SLC35F3: variants seen among roughly 807,000 people sequenced by gnomAD.
The protein encoded by SLC35F3 is solute carrier family 35 member F3, also known as putative thiamine transporter SLC35F3.
SLC35F3 carries 25 observed loss-of-function variants against 49.9 expected under a neutral mutation model. The ratio of observed to expected loss-of-function variants is 0.50; its 90% confidence interval spans 0.37 to 0.70. The LOEUF is 0.70. SLC35F3 is among the 30% of genes least tolerant of loss of function. The pLI, the probability that SLC35F3 is intolerant of heterozygous loss-of-function variation, is 0.00. For synonymous variants in SLC35F3, 275 were observed against 265.4 expected (o/e 1.04, Z -0.35); for missense variants, 525 against 639.8 (o/e 0.82, Z 1.94).
At chr1:233,920,568 A>G (rs1662041931) in intron 2 of SLC35F3, among the ~76,000 whole-genome samples, 1 of 152,140 alleles carries the variant, frequency 6.6e-6, no homozygotes, top group Non-Finnish European at 1.5e-5. Context: ...AGCACCAGGT[A>G]CCCCCTCTGG....
intron 2 of SLC35F3, among the ~76,000 whole-genome samples, chr1:233,947,185 A>G (rs1662526063): frequency 6.6e-6 from 1 of 152,220 alleles, no homozygotes; most frequent in Non-Finnish European, 1.5e-5. Context: ...TAAAAAACCC[A>G]CTGGGCTAAA....
chr1:234,102,610 G>A (rs1665230162), intron 2 of SLC35F3, among the ~76,000 whole-genome samples: 1 of 152,172 alleles, frequency 6.6e-6, no homozygotes, highest in Non-Finnish European at 1.5e-5. Context: ...CAGGAGGTGA[G>A]AATCAAACTG....
At chr1:234,217,965 G>A (rs894440338) in intron 2 of SLC35F3, among the ~76,000 whole-genome samples, 4 of 152,216 alleles carry the variant, frequency 2.6e-5, no homozygotes, top group Non-Finnish European at 5.9e-5. Context: ...GTGCAGAGGG[G>A]AGGAGAGGCA....
chr1:234,073,538 T>C (rs1339286883), intron 2 of SLC35F3, among the ~76,000 whole-genome samples: 1 of 152,230 alleles, frequency 6.6e-6, no homozygotes, highest in East Asian at 1.9e-4. Context: ...CAGCAGCCAT[T>C]GCTGTTGGAG....
intron 2 of SLC35F3, among the ~76,000 whole-genome samples, chr1:234,029,305 A>G (rs1003916915): frequency 6.6e-6 from 1 of 152,198 alleles, no homozygotes; most frequent in Admixed American, 6.5e-5. Flanking sequence ...CAGCTAAAGC[A>G]ATTCATCAAA....
At chr1:233,951,128 C>T (rs1276836897) in intron 2 of SLC35F3, among the ~76,000 whole-genome samples, 1 of 151,272 alleles carries the variant, frequency 6.6e-6, no homozygotes, top group Non-Finnish European at 1.5e-5. Flanking sequence ...TATGCCTGGA[C>T]ATGGTAAATC....
At position 233,961,471 on chromosome 1, in the gene SLC35F3, T is replaced by TTTC. The variant is rs1662801917; in HGVS notation, c.283+55713_283+55714insTTC. 2.0e-5 allele frequency among the ~76,000 whole-genome samples: 3 copies of TTTC among 149,250 alleles called. No individual in the cohort carries two copies. In the South Asian group the frequency reaches 6.3e-4, roughly 31 times the overall value. ...TTTTCCTCTCTTTTTTTTTTTTTTT[T>TTTC]CTTGAGACAAAGTCTCGCTTTGTCC... On this transcript the variant is annotated intron_variant, in intron 2 of 7. Coordinates refer to ENST00000366618, the MANE Select transcript of SLC35F3 (RefSeq NM_173508.4).
At chr1:234,150,636 T>C (rs1666061863) in intron 2 of SLC35F3, among the ~76,000 whole-genome samples, 2 of 152,158 alleles carry the variant, frequency 1.3e-5, no homozygotes, top group African/African-American at 4.8e-5. Context: ...TGCCGAAAGG[T>C]CAGACAGGTA....
rs113696168 is a variant in SLC35F3 at position 233,933,324 on chromosome 1, T to A, written c.283+27566T>A. 3.4e-4 allele frequency among the ~76,000 whole-genome samples: 51 copies of A among 151,220 alleles called. 1 individual carries two copies. The highest frequency in any genetic ancestry group is 1.2e-3 in the African/African-American group (51 of 41,284). The stretch of plus-strand genomic sequence containing the variant: ...CCAAATTATTGTTGTATACCGTTAT[T>A]TTTTTTTTACTAAAAAGTTATTTTT... On this transcript the variant is annotated intron_variant, in intron 2 of 7. Transcript: ENST00000366618.
chr1:233,963,565 T>G (rs976366110), intron 2 of SLC35F3, among the ~76,000 whole-genome samples: 1 of 152,152 alleles, frequency 6.6e-6, no homozygotes, highest in African/African-American at 2.4e-5. Flanking sequence ...CCTCCCAAAG[T>G]GCTGGGATTA....
At position 234,197,020 on chromosome 1, in the gene SLC35F3, G is replaced by A. The variant is rs1666824350; in HGVS notation, c.284-34397G>A. Among the ~76,000 whole-genome samples the A allele has an allele frequency of 1.3e-5, 2 of 152,332 alleles. 1 individual carries two copies. Among genetic ancestry groups the A allele is most frequent in the South Asian group, 4.1e-4 (2 of 4,824 alleles). ...TAAAAACAGATTTTATGCAATAACT[G>A]CTGTCAGTAAAGGAAAGAACTGAGC... On this transcript the variant is annotated intron_variant, in intron 2 of 7. Coordinates refer to ENST00000366618, the MANE Select transcript of SLC35F3 (RefSeq NM_173508.4).
intron 2 of SLC35F3, among the ~76,000 whole-genome samples, chr1:233,936,198 C>G (rs913128895): frequency 2.0e-5 from 3 of 152,016 alleles, no homozygotes; most frequent in Admixed American, 1.3e-4. Flanking sequence ...TAGCCATGGC[C>G]CCCCCAGGGT....
intron 7 of SLC35F3, among the ~76,000 whole-genome samples, chr1:234,321,483 C>T (rs1209967855): frequency 6.6e-6 from 1 of 152,188 alleles, no homozygotes; most frequent in Non-Finnish European, 1.5e-5. Context: ...AAAAATGGTC[C>T]AGATGCTGCA....
intron 2 of SLC35F3, among the ~76,000 whole-genome samples, chr1:234,139,510 A>G (rs1665859644): frequency 6.6e-6 from 1 of 152,226 alleles, no homozygotes; most frequent in South Asian, 2.1e-4. Context: ...TATAGTTTTT[A>G]TATCGTCCTT....
At chr1:233,998,979 A>C (rs6698751) in intron 2 of SLC35F3, among the ~76,000 whole-genome samples, 1,903 of 152,306 alleles carry the variant, frequency 0.012, 38 homozygotes, top group African/African-American at 0.044. Flanking sequence ...TTACTGATGG[A>C]GTTAAATAGG....
At chr1:234,175,973 T>C (rs1666471093) in intron 2 of SLC35F3, among the ~76,000 whole-genome samples, 1 of 152,150 alleles carries the variant, frequency 6.6e-6, no homozygotes, top group African/African-American at 2.4e-5. Context: ...CTCAAGCATA[T>C]CTCTGAGCCC....
intron 3 of SLC35F3, among the ~76,000 whole-genome samples, chr1:234,289,386 C>A (rs1458233860): frequency 6.6e-6 from 1 of 152,198 alleles, no homozygotes; most frequent in Non-Finnish European, 1.5e-5. Flanking sequence ...CACCGGGCTA[C>A]TAGAATTAAC....
At chr1:234,096,492 A>G (rs1665125375) in intron 2 of SLC35F3, among the ~76,000 whole-genome samples, 1 of 152,202 alleles carries the variant, frequency 6.6e-6, no homozygotes, top group African/African-American at 2.4e-5. Context: ...TATAGCTACA[A>G]AGAATGTAGT....
At chr1:234,224,750 T>C (rs1667260845) in intron 2 of SLC35F3, among the ~76,000 whole-genome samples, 1 of 152,232 alleles carries the variant, frequency 6.6e-6, no homozygotes, top group East Asian at 1.9e-4. Flanking sequence ...ATCCTTGGGA[T>C]ATTAACTCTC....
Sources: allele counts gnomAD v4.1 joint callset (sites outside exome capture counted in the v4.1 genomes callset), GRCh38; gene constraint gnomAD v4.1.1; transcripts MANE v1.5; gene names NCBI Gene and HGNC (gene_info 2026-07-23, HGNC 2026-07-21).